Variants in DNAJC2 observed in about 807,000 individuals in gnomAD.
DNAJC2 encodes DnaJ heat shock protein family (Hsp40) member C2, also known as dnaJ homolog subfamily C member 2.
A neutral mutation model predicts 94.0 loss-of-function variants in DNAJC2; 32 were observed. The ratio of observed to expected loss-of-function variants is 0.34; its 90% CI spans 0.26 to 0.46. DNAJC2 has a LOEUF of 0.46. Ranked by LOEUF, DNAJC2 falls within the 20% of genes least tolerant of loss-of-function variation. The probability of loss-of-function intolerance (pLI) is 1.00; values close to 1 mark genes in which losing one functional copy is unlikely to be tolerated. For missense variants in DNAJC2, 550 were observed against 719.5 expected, an observed-to-expected ratio of 0.76 and a Z score of 2.69; for synonymous variants, 210 against 229.7, an observed-to-expected ratio of 0.91 and a Z score of 0.77.
intron 12 of DNAJC2, 94 bp downstream of exon 12, chr7:103,319,515 C>T (rs1818264082): frequency 2.6e-6 from 3 of 1,132,670 alleles, no homozygotes; most frequent in Non-Finnish European, 4.0e-6. Context: ...ATCAGATACT[C>T]CCTGCACTTG....
chr7:103,336,313 A>G (rs912608681), intron 3 of DNAJC2: 1 of 152,260 alleles, frequency 6.6e-6, no homozygotes, highest in African/African-American at 2.4e-5. Context: ...TAACAAATTT[A>G]TCTGTACTAA....
intron 15 of DNAJC2, chr7:103,313,315 G>C (rs1817862884): frequency 7.7e-7 from 1 of 1,300,562 alleles, no homozygotes; most frequent in Admixed American, 3.7e-5. Context: ...AATCTCAAAG[G>C]CTTTTAAAAC....
chr7:103,327,983 C>T (rs909084818), intron 3 of DNAJC2, among the ~76,000 whole-genome samples: 1 of 152,080 alleles, frequency 6.6e-6, no homozygotes, highest in African/African-American at 2.4e-5. Flanking sequence ...TGTAATGGCA[C>T]GATCTCGGCT....
Position 103,322,040 on chromosome 7 carries a change from C to T in DNAJC2, c.975G>A (p.Glu325=), listed in dbSNP as rs2115875318. The stretch of plus-strand genomic sequence containing the variant: ...GCTGTCTGACTTCCTCCTCTTCTTT[C>T]TCCTTAGCTAACCGAGCAGCTTCTA... ...AELEAARLAK[E]KEEEEVRQQA... is the part of the protein sequence containing the mutation. Residue 325 remains glutamate, a synonymous_variant, in exon 10 of 17, where the codon GAG becomes GAA. Coordinates refer to ENST00000379263, the MANE Select transcript of DNAJC2 (RefSeq NM_014377.3). 6.2e-7 allele frequency: 1 copy of T among 1,613,540 alleles called. No homozygotes were observed. The highest frequency in any genetic ancestry group is 8.5e-7 in the Non-Finnish European group (1 of 1,179,742).
intron 15 of DNAJC2, 147 bp from the exon 16 acceptor site, chr7:103,313,248 G>C (rs1817857248): frequency 7.2e-7 from 1 of 1,396,166 alleles, no homozygotes; most frequent in Non-Finnish European, 9.3e-7. Flanking sequence ...GATACATATA[G>C]CCCTCTGAGT....
At chr7:103,333,019 C>G (rs2115999270) in intron 3 of DNAJC2, among the ~76,000 whole-genome samples, 1 of 151,848 alleles carries the variant, frequency 6.6e-6, no homozygotes, top group East Asian at 1.9e-4. Context: ...TTTGGAATAT[C>G]TGCATTATAC....
intron 1 of DNAJC2, chr7:103,344,201 C>T: frequency 3.4e-6 from 1 of 293,644 alleles, no homozygotes; most frequent in Admixed American, 4.9e-5. Flanking sequence ...CGACCCCAGG[C>T]ACGTGGGGTG....
At chr7:103,320,760 CACAT>C in intron 10 of DNAJC2, 2 of 89,314 alleles carry the variant, frequency 2.2e-5, no homozygotes, top group Non-Finnish European at 4.2e-5. Flanking sequence ...TATATATATA[CACAT>C]ATATATATAT....
intron 1 of DNAJC2, chr7:103,344,341 C>T: frequency 3.4e-6 from 2 of 587,092 alleles, no homozygotes; most frequent in Non-Finnish European, 6.0e-6. Flanking sequence ...GAGGAAGCAA[C>T]GGTAGGAGCA....
intron 5 of DNAJC2, 27 bp downstream of exon 5, chr7:103,326,516 A>G: frequency 6.2e-7 from 1 of 1,612,586 alleles, no homozygotes; most frequent in Non-Finnish European, 8.5e-7. Flanking sequence ...ACAGGGCACT[A>G]TGATCAAAAG....
At chr7:103,332,406 T>C (rs1819013756) in intron 3 of DNAJC2, among the ~76,000 whole-genome samples, 1 of 152,188 alleles carries the variant, frequency 6.6e-6, no homozygotes, top group Non-Finnish European at 1.5e-5. Flanking sequence ...AGGTTTTGCA[T>C]ACTCAGATTA....
chr7:103,337,055 G>C (rs1394408592), intron 3 of DNAJC2: 1 of 152,126 alleles, frequency 6.6e-6, no homozygotes, highest in African/African-American at 2.4e-5. Context: ...CTAGAGTGGA[G>C]GGCAGAACAT....
At chr7:103,314,269 A>T in intron 15 of DNAJC2, 1 of 985,438 alleles carries the variant, frequency 1.0e-6, no homozygotes, top group Non-Finnish European at 1.2e-6. Context: ...CAGTTACTTC[A>T]CAATACCAAA....
chr7:103,319,119 CAG>C (rs541978160), intron 12 of DNAJC2, among the ~76,000 whole-genome samples: 1 of 151,990 alleles, frequency 6.6e-6, no homozygotes, highest in East Asian at 1.9e-4. Context: ...GCCTGGGTGA[CAG>C]AGAGAGACTC....
intron 5 of DNAJC2, 35 bp from the exon 6 acceptor site, chr7:103,324,597 C>T (rs566136074): frequency 7.1e-7 from 1 of 1,405,838 alleles, no homozygotes; most frequent in African/African-American, 1.5e-5. Flanking sequence ...TACAATTCTT[C>T]AAAAATTATG....
chr7:103,336,352 A>AT (rs1306936409), intron 3 of DNAJC2: 5 of 152,080 alleles, frequency 3.3e-5, no homozygotes, highest in African/African-American at 1.2e-4. Flanking sequence ...ATGCTATTCT[A>AT]TTTTTTCGGA....
At chr7:103,330,625 T>A (rs567711755) in intron 3 of DNAJC2, among the ~76,000 whole-genome samples, 1 of 151,972 alleles carries the variant, frequency 6.6e-6, no homozygotes, top group African/African-American at 2.4e-5. Context: ...CTAATTTTTA[T>A]ATTTTTAGTA....
chr7:103,331,535 T>TA (rs1329830907), intron 3 of DNAJC2, among the ~76,000 whole-genome samples: 37 of 152,276 alleles, frequency 2.4e-4, no homozygotes, highest in Admixed American at 1.7e-3. Context: ...CAGCCTCTGG[T>TA]ATCTATCATT....
intron 15 of DNAJC2, 23 bp downstream of exon 15, chr7:103,315,741 A>G: frequency 6.5e-7 from 1 of 1,527,522 alleles, no homozygotes; most frequent in Non-Finnish European, 9.1e-7. Flanking sequence ...AGCATTTTCT[A>G]CGTTTAGAAA....
Sources: allele counts gnomAD v4.1 joint callset (sites outside exome capture counted in the v4.1 genomes callset), GRCh38; gene constraint gnomAD v4.1.1; transcripts MANE v1.5; gene names NCBI Gene and HGNC (gene_info 2026-07-23, HGNC 2026-07-21).